The following ISCU variants were observed in gnomAD, a reference collection of about 807,000 sequenced individuals.
ISCU encodes iron-sulfur cluster assembly enzyme, also known as iron-sulfur cluster assembly enzyme ISCU.
In ISCU, 13 loss-of-function variants were observed where a neutral mutation model predicts 18.4. The ratio of observed to expected loss-of-function variants is 0.71; its 90% CI spans 0.46 to 1.12. The LOEUF (loss-of-function observed/expected upper bound fraction) is 1.12. Among genes scored for constraint, ISCU ranks in the 50% most tolerant of loss-of-function variants. ISCU has a pLI of 0.00. For synonymous variants in ISCU, 104 were observed against 87.5 expected, an observed-to-expected ratio of 1.19 and a Z score of -1.06; for missense variants, 229 against 208.7, an observed-to-expected ratio of 1.10 and a Z score of -0.60.
intron 1 of ISCU, chr12:108,563,725 G>C (rs1035639771): frequency 3.6e-5 from 12 of 336,714 alleles, no homozygotes; most frequent in Admixed American, 2.6e-4. Context: ...CCTTTCAGCA[G>C]CCAGGGTGCG....
chr12:108,562,054 T>C (rs1431789190), upstream of ISCU, among the ~76,000 whole-genome samples: 1 of 152,160 alleles, frequency 6.6e-6, no homozygotes, highest in Non-Finnish European at 1.5e-5. Flanking sequence ...AGATGCTGGC[T>C]TCATGATGAA....
intron 4 of ISCU, chr12:108,568,402 G>C: frequency 9.2e-7 from 1 of 1,092,526 alleles, no homozygotes; most frequent in Non-Finnish European, 1.1e-6. Context: ...TTTTCCAAAG[G>C]GCATGTCAAC....
Position 108,562,608 on chromosome 12 carries a change from G to A in ISCU, c.-15G>A, listed in dbSNP as rs1284371930. ...TCGGCGTCGCTCTGGACTGGCGCAG[G>A]CGCAAGCCGGCAAGATGGCGGCGGC... On this transcript the variant is annotated 5_prime_UTR_variant, in exon 1 of 5. Coordinates refer to ENST00000311893, the MANE Select transcript of ISCU (RefSeq NM_213595.4). 7.0e-7 allele frequency: 1 copy of A among 1,424,902 alleles called. No homozygotes were observed. Among genetic ancestry groups the A allele is most frequent in the South Asian group, 1.4e-5 (1 of 71,286 alleles). 88.3% of individuals were successfully genotyped at this position (1,424,902 alleles called of 1,614,324 possible).
intron 3 of ISCU, among the ~76,000 whole-genome samples, chr12:108,566,902 A>G (rs1469054465): frequency 6.6e-6 from 1 of 152,242 alleles, no homozygotes; most frequent in East Asian, 1.9e-4. Context: ...GGCCACAAGC[A>G]GATCCCTAAG....
rs758335512 is a variant in ISCU, at chr12:108,567,182, CCT to C, written c.340-4_340-3del. Reference sequence around the variant, plus strand: ...TAAAACTGCCCATCTTTCCATTATGCCTCTCAGGTGGAGGAAGCCTTGACTAT... The same window carrying C: ...TAAAACTGCCCATCTTTCCATTATGCCTCAGGTGGAGGAAGCCTTGACTAT... On this transcript the variant is annotated splice_polypyrimidine_tract_variant and splice_region_variant and intron_variant, in intron 3 of 4. Coordinates refer to ENST00000311893, the MANE Select transcript of ISCU (RefSeq NM_213595.4). 29 of 1,610,018 alleles carry C rather than the reference CCT, an allele frequency of 1.8e-5. No homozygotes were observed. In the South Asian group the frequency reaches 3.2e-4, roughly 18 times the overall value.
intron 3 of ISCU, 84 bp from the exon 4 acceptor site, chr12:108,567,106 C>A: frequency 9.9e-7 from 1 of 1,005,324 alleles, no homozygotes; most frequent in Non-Finnish European, 1.6e-6. Flanking sequence ...CCCTGAGAGC[C>A]TCTTTGGCCT....
chr12:108,569,028 C>A lies in ISCU; in HGVS notation c.*112C>A. The A allele has an allele frequency of 4.8e-6, 4 of 835,174 alleles. No homozygotes were observed. The highest frequency in any genetic ancestry group is 1.7e-5 in the African/African-American group (1 of 59,154). The allele number at this position is 835,174 out of a possible 1,614,324, so 51.7% of individuals were successfully genotyped here. ...CTCTCCACTGAAGAGCTATGAGATA[C>A]GCACAATACTTGCTGTTCACGTTAT... On this transcript the variant is annotated 3_prime_UTR_variant, in exon 5 of 5. Transcript: ENST00000311893.
At chr12:108,567,595 C>G in intron 4 of ISCU, 1 of 1,348,094 alleles carries the variant, frequency 7.4e-7, no homozygotes, top group East Asian at 2.5e-5. Context: ...TGGGTTGAGA[C>G]GCCCACATCA....
intron 1 of ISCU, 49 bp from the exon 2 acceptor site, chr12:108,564,230 C>G (rs761503138): frequency 1.3e-6 from 2 of 1,562,528 alleles, no homozygotes; most frequent in East Asian, 4.5e-5. Flanking sequence ...AACCAGAGAC[C>G]AGTACCAATA....
In ISCU at chr12:108,562,665, G is replaced by T; in HGVS notation, c.43G>T (p.Ala15Ser). 1 of 1,455,650 alleles carries T rather than the reference G, an allele frequency of 6.9e-7. No individual in the cohort carries two copies. The highest frequency in any genetic ancestry group is 1.4e-5 in the South Asian group (1 of 72,112). The allele number at this position is 1,455,650 out of a possible 1,614,324, so 90.2% of individuals were successfully genotyped here. A position where few individuals can be genotyped will look rare whatever the true frequency, so the allele number is the denominator to read the frequency against. ...TTTCCGTCTGAGGCGGGCGGCATCG[G>T]CTCTGCTGCTGCGGAGCCCCCGCCT... ...GAFRLRRAASALLLRSPRLPA... is the reference protein window; with the variant it reads ...GAFRLRRAASSLLLRSPRLPA... Residue 15 changes from alanine to serine, a missense_variant, in exon 1 of 5, where the codon GCT (alanine) becomes TCT (serine). By Grantham distance (99) the Ala-to-Ser change is moderately conservative (BLOSUM62 1). Transcript: ENST00000311893.
At chr12:108,564,905 AG>A (rs1393929356) in intron 2 of ISCU, 1 of 264,032 alleles carries the variant, frequency 3.8e-6, no homozygotes, top group Non-Finnish European at 7.3e-6. Context: ...GAAACAAAAC[AG>A]GAGGAAACCA....
intron 4 of ISCU, 46 bp from the exon 5 acceptor site, chr12:108,568,785 C>T: frequency 6.3e-7 from 1 of 1,586,634 alleles, no homozygotes; most frequent in Non-Finnish European, 8.6e-7. Context: ...AAGTCCATTT[C>T]TTTCACATCT....
In ISCU at chr12:108,568,484, G is replaced by A. The variant is rs545217827; in HGVS notation, c.419-347G>A. 1,582 of 1,185,678 alleles carry A rather than the reference G, an allele frequency of 1.3e-3. 4 individuals are homozygous for A. The highest frequency in any genetic ancestry group is 4.7e-3 in the Middle Eastern group (13 of 2,746). 73.4% of individuals were successfully genotyped at this position (1,185,678 alleles called of 1,614,324 possible). On this transcript the variant is annotated intron_variant, in intron 4 of 4. Coordinates refer to ENST00000311893, the MANE Select transcript of ISCU (RefSeq NM_213595.4). ...GCAGGCAAGAAGTAACATTTCCTGT[G>A]TCCCTACTATGTGTCAGACATCTTC... is the stretch of plus-strand genomic sequence containing the variant.
chr12:108,567,656 A>G, intron 4 of ISCU: 4 of 1,535,674 alleles, frequency 2.6e-6, no homozygotes, highest in Non-Finnish European at 3.5e-6. Context: ...CTTTGATTTC[A>G]GAATCTGTGC....
At chr12:108,567,350 TGGAGC>T (rs1364635661) in intron 4 of ISCU, 82 bp downstream of exon 4, 2 of 1,135,354 alleles carry the variant, frequency 1.8e-6, no homozygotes, top group Admixed American at 3.4e-5. Context: ...TTTTAGATCA[TGGAGC>T]CCACGTTTGT....
Position 108,569,306 on chromosome 12 carries a change from G to GT in ISCU, c.*391dup. On this transcript the variant is annotated 3_prime_UTR_variant, in exon 5 of 5. Transcript: ENST00000311893. ...TGAATATTTGATAGAACCAATTGTTGTACATAAAACAGATTGCGCATATAT... is the reference window on the plus strand; with the variant it reads ...TGAATATTTGATAGAACCAATTGTTGTTACATAAAACAGATTGCGCATATAT... 2 of 155,296 alleles carry GT rather than the reference G, an allele frequency of 1.3e-5. No homozygotes were observed. Among genetic ancestry groups the GT allele is most frequent in the South Asian group, 1.2e-4 (2 of 16,408 alleles). 9.6% of individuals were successfully genotyped at this position (155,296 alleles called of 1,614,324 possible). A position where few individuals can be genotyped will look rare whatever the true frequency, so the allele number is the denominator to read the frequency against.
intron 3 of ISCU, 40 bp downstream of exon 3, chr12:108,565,471 AC>A: frequency 2.3e-6 from 3 of 1,325,084 alleles, no homozygotes; most frequent in Non-Finnish European, 3.3e-6. Flanking sequence ...AAAACAAGTA[AC>A]CATGACTTTT....
rs569258315 is a variant in ISCU at position 108,569,049 on chromosome 12, G to A, written c.*133G>A. 2.8e-4 allele frequency: 209 copies of A among 757,886 alleles called. No homozygotes were observed. Among genetic ancestry groups the A allele is most frequent in the African/African-American group, 1.9e-3 (107 of 57,428 alleles). 46.9% of individuals were successfully genotyped at this position (757,886 alleles called of 1,614,324 possible). A position where few individuals can be genotyped will look rare whatever the true frequency, so the allele number is the denominator to read the frequency against. ...GATACGCACAATACTTGCTGTTCAC[G>A]TTATGACTCTCATGCAAGCAAAATA... On this transcript the variant is annotated 3_prime_UTR_variant, in exon 5 of 5. Coordinates refer to ENST00000311893, the MANE Select transcript of ISCU (RefSeq NM_213595.4).
Position 108,562,740 on chromosome 12 carries a change from G to GAAACGTGGGGTCCCTT in ISCU, c.114+4_114+5insAAACGTGGGGTCCCTT. ...GGCCCGACTCTATCACAAGAAGGTA[G>GAAACGTGGGGTCCCTT]GGACAAAAGAGGGACGCGCGGAATG... is the stretch of plus-strand genomic sequence containing the variant. On this transcript the variant is annotated splice_donor_region_variant and intron_variant, in intron 1 of 4. Transcript: ENST00000311893. 1 of 1,316,086 alleles carries GAAACGTGGGGTCCCTT rather than the reference G, an allele frequency of 7.6e-7. No homozygotes were observed. Among genetic ancestry groups the GAAACGTGGGGTCCCTT allele is most frequent in the South Asian group, 1.5e-5 (1 of 67,970 alleles). 81.5% of individuals were successfully genotyped at this position (1,316,086 alleles called of 1,614,324 possible).
Sources: gnomAD v4.1 joint callset for allele counts (sites outside exome capture counted in the v4.1 genomes callset) on GRCh38, gnomAD v4.1.1 for gene constraint, MANE v1.5 for transcripts, NCBI Gene and HGNC (gene_info 2026-07-23, HGNC 2026-07-21) for gene names.